Variants in DDB2 observed in about 807,000 individuals in gnomAD.
DDB2 encodes the protein damage specific DNA binding protein 2, also known as DNA damage-binding protein 2.
Under a neutral mutation model 50.5 loss-of-function variants are expected in DDB2, and 27 were observed. The ratio of observed to expected loss-of-function variants is 0.53; its 90% confidence interval spans 0.39 to 0.74. DDB2 has a LOEUF of 0.74. Among genes scored for constraint, DDB2 ranks in the 30% least tolerant of loss-of-function variants. The probability of loss-of-function intolerance (pLI) is 0.00; values close to 1 mark genes in which losing one functional copy is unlikely to be tolerated. For synonymous variants in DDB2, 176 were observed against 205.5 expected (o/e 0.86, Z 1.23); for missense variants, 424 against 545.6 (o/e 0.78, Z 2.22).
intron 3 of DDB2, among the ~76,000 whole-genome samples, chr11:47,230,212 A>T (rs1356972171): frequency 6.6e-6 from 1 of 150,836 alleles, no homozygotes; most frequent in African/African-American, 2.4e-5. Flanking sequence ...AGGCGGGAGG[A>T]TTGCTTGAGC....
chr11:47,238,801 T>TTAC lies in DDB2; in HGVS notation c.1237_1239dup (p.Tyr413dup). ...TCAGACTGGTCTCACTCTTCCTAGGTTACCACATTCTCATCTGGAGCCAGG... is the reference window on the plus strand; with the variant it reads ...TCAGACTGGTCTCACTCTTCCTAGGTTACTACCACATTCTCATCTGGAGCCAGG... On this transcript the variant is annotated inframe_insertion and splice_region_variant, in exon 10 of 10. Coordinates refer to ENST00000256996, the MANE Select transcript of DDB2 (RefSeq NM_000107.3). 1.9e-6 allele frequency: 3 copies of TTAC among 1,613,656 alleles called. No individual in the cohort carries two copies. Among genetic ancestry groups the TTAC allele is most frequent in the Non-Finnish European group, 2.5e-6 (3 of 1,179,888 alleles).
Position 47,215,174 on chromosome 11 carries a change from C to G in DDB2, c.38C>G (p.Ser13Cys). 6.2e-7 allele frequency: 1 copy of G among 1,614,090 alleles called. No homozygotes were observed. Among genetic ancestry groups the G allele is most frequent in the Non-Finnish European group, 8.5e-7 (1 of 1,180,032 alleles). The change falls in exon 1 of 10, where the codon TCC becomes TGC. Residue 13 changes from serine (S) to cysteine (C), a missense_variant. Coordinates refer to ENST00000256996, the MANE Select transcript of DDB2 (RefSeq NM_000107.3). ...AAACGCCCAGAAACCCAGAAGACCT[C>G]CGAGATTGTATTACGCCCCAGGAAC... ...PKKRPETQKT[S>C]EIVLRPRNKR... is the part of the protein sequence containing the mutation.
At chr11:47,225,289 G>A (rs1953542054) in intron 3 of DDB2, among the ~76,000 whole-genome samples, 1 of 148,870 alleles carries the variant, frequency 6.7e-6, no homozygotes, top group African/African-American at 2.5e-5. Context: ...AAGTAATACT[G>A]CTTTTTTTAA....
chr11:47,214,788 T>A (rs1267425041), upstream of DDB2: 4 of 336,500 alleles, frequency 1.2e-5, no homozygotes, highest in East Asian at 5.7e-5. Flanking sequence ...AAAAAAAAAA[T>A]CCATAAAGCC....
upstream of DDB2, chr11:47,214,568 A>C: frequency 6.3e-6 from 1 of 158,664 alleles, no homozygotes; most frequent in Non-Finnish European, 1.4e-5. Context: ...CCCGGACAAC[A>C]AAGCGAGACC....
intron 1 of DDB2, 120 bp from the exon 2 acceptor site, chr11:47,216,216 G>T: frequency 6.8e-7 from 1 of 1,460,438 alleles, no homozygotes; most frequent in Non-Finnish European, 9.6e-7. Context: ...TGGAAAGGCC[G>T]CAGGAGGTGA....
At chr11:47,220,877 G>A (rs985286056) in intron 3 of DDB2, 14 of 152,108 alleles carry the variant, frequency 9.2e-5, no homozygotes, top group Admixed American at 2.6e-4. Context: ...ACAATGTATG[G>A]GGCCAGGCGC....
At position 47,215,018 on chromosome 11, in the gene DDB2, C is replaced by A; in HGVS notation, c.-119C>A. 1 of 1,499,410 alleles carries A rather than the reference C, an allele frequency of 6.7e-7. No homozygotes were observed. Among genetic ancestry groups the A allele is most frequent in the Non-Finnish European group, 9.2e-7 (1 of 1,081,600 alleles). The allele number at this position is 1,499,410 out of a possible 1,614,324, so 92.9% of individuals were successfully genotyped here. ...CATGTTTGGCGGGAAGTTGGCTTAG[C>A]TCGGCTACCTGTGGCCCCGCAGTTT... On this transcript the variant is annotated 5_prime_UTR_variant, in exon 1 of 10. Coordinates refer to ENST00000256996, the MANE Select transcript of DDB2 (RefSeq NM_000107.3).
chr11:47,235,446 G>A (rs371257608), intron 7 of DDB2, 34 bp downstream of exon 7: 94 of 1,601,974 alleles, frequency 5.9e-5, no homozygotes, highest in Admixed American at 1.0e-4. Flanking sequence ...CGCAGAAGGA[G>A]GCTGTGATCA....
intron 3 of DDB2, among the ~76,000 whole-genome samples, chr11:47,229,489 C>A (rs143546492): frequency 1.3e-5 from 2 of 152,026 alleles, no homozygotes. Flanking sequence ...GTCCAAGCAT[C>A]CTAAGGAAGA....
At chr11:47,238,547 C>G (rs1168528414) in intron 9 of DDB2, among the ~76,000 whole-genome samples, 4 of 152,082 alleles carry the variant, frequency 2.6e-5, no homozygotes, top group Admixed American at 1.3e-4. Context: ...TACAGGTGCC[C>G]GCTACCACGC....
At chr11:47,226,243 C>T (rs990080356) in intron 3 of DDB2, among the ~76,000 whole-genome samples, 3 of 151,760 alleles carry the variant, frequency 2.0e-5, no homozygotes, top group Admixed American at 2.0e-4. Context: ...GTACAAATGT[C>T]CCAACTTCTC....
Position 47,216,379 on chromosome 11 carries a change from G to A in DDB2, c.171G>A (p.Leu57=), listed in dbSNP as rs1433737275. 6.2e-7 allele frequency: 1 copy of A among 1,614,176 alleles called. No homozygotes were observed. The highest frequency in any genetic ancestry group is 1.7e-5 in the Admixed American group (1 of 60,012). The stretch of plus-strand genomic sequence containing the variant: ...ACTCAGACTGCCTCTGGGTGGGGCT[G>A]GCTGGCCCACAGATCCTGCCACCAT... ...RCDSDCLWVG[L]AGPQILPPCR... The change falls in exon 2 of 10, where the codon CTG becomes CTA. Residue 57 remains leucine (L), a synonymous_variant. Transcript: ENST00000256996.
intron 1 of DDB2, 111 bp downstream of exon 1, chr11:47,215,374 G>A (rs570804909): frequency 1.9e-6 from 3 of 1,561,916 alleles, no homozygotes; most frequent in East Asian, 2.2e-5. Flanking sequence ...CAGGTCACGG[G>A]TGCCTCCGGC....
chr11:47,215,872 C>T (rs1318520760), intron 1 of DDB2: 17 of 287,242 alleles, frequency 5.9e-5, no homozygotes, highest in Admixed American at 1.0e-4. Flanking sequence ...CTTACCTCCC[C>T]AGAAGTAACC....
intron 3 of DDB2, among the ~76,000 whole-genome samples, chr11:47,218,522 A>G (rs1953433064): frequency 6.6e-6 from 1 of 152,158 alleles, no homozygotes; most frequent in Admixed American, 6.5e-5. Context: ...GAAAAGAAGG[A>G]AAGACATAGT....
chr11:47,215,607 G>T (rs2135483874), intron 1 of DDB2: 1 of 370,766 alleles, frequency 2.7e-6, no homozygotes, highest in East Asian at 6.4e-5. Flanking sequence ...TTAGCTGCAC[G>T]TCCTCGGTGG....
chr11:47,215,357 GC>G, intron 1 of DDB2, 94 bp downstream of exon 1: 1 of 1,593,616 alleles, frequency 6.3e-7, no homozygotes, highest in Non-Finnish European at 8.5e-7. Flanking sequence ...GGCTCCCGAG[GC>G]CCGCGCAGGT....
chr11:47,216,422 A>C lies in DDB2; in HGVS notation c.214A>C (p.Thr72Pro). 6.2e-7 allele frequency: 1 copy of C among 1,613,610 alleles called. No individual in the cohort carries two copies. The highest frequency in any genetic ancestry group is 1.1e-5 in the South Asian group (1 of 91,036). ...GCCACCATGCCGCAGCATCGTCAGG[A>C]CCCTCCACCAGCATAAGCTGGGCAG... ...ILPPCRSIVR[T>P]LHQHKLGRAS... The change falls in exon 2 of 10, where the codon ACC (threonine) becomes CCC (proline). Residue 72 changes from threonine (T) to proline (P), a missense_variant. Thr to Pro is a conservative substitution (Grantham distance 38). Coordinates refer to ENST00000256996, the MANE Select transcript of DDB2 (RefSeq NM_000107.3).
Sources: allele counts gnomAD v4.1 joint callset (sites outside exome capture counted in the v4.1 genomes callset), GRCh38; gene constraint gnomAD v4.1.1; transcripts MANE v1.5; gene names NCBI Gene and HGNC (gene_info 2026-07-23, HGNC 2026-07-21).